Variants in COL23A1 observed in about 807,000 individuals in gnomAD.
COL23A1 encodes the protein collagen alpha-1(XXIII) chain.
COL23A1 carries 97 observed loss-of-function variants against 99.3 expected under a neutral mutation model. That is an observed-to-expected ratio of 0.98 (90% CI 0.83 to 1.16). COL23A1 has a LOEUF of 1.16. COL23A1 is among the 50% of genes most tolerant of loss of function. COL23A1 has a pLI of 0.00. For missense variants in COL23A1, 762 were observed against 757.4 expected, an observed-to-expected ratio of 1.01 and a Z score of -0.07; for synonymous variants, 320 against 308.2, an observed-to-expected ratio of 1.04 and a Z score of -0.40.
intron 2 of COL23A1, among the ~76,000 whole-genome samples, chr5:178,403,622 A>G (rs1034770907): frequency 2.0e-5 from 3 of 152,218 alleles, no homozygotes; most frequent in Admixed American, 2.0e-4. Flanking sequence ...TAAGAATGAA[A>G]TAAAGGCCAA....
chr5:178,393,817 G>A (rs930241935), intron 2 of COL23A1, among the ~76,000 whole-genome samples: 17 of 152,126 alleles, frequency 1.1e-4, no homozygotes, highest in African/African-American at 3.4e-4. Flanking sequence ...TGTACAGATG[G>A]GGTTTCACCA....
chr5:178,350,703 C>T (rs557125710), intron 2 of COL23A1, among the ~76,000 whole-genome samples: 12 of 152,294 alleles, frequency 7.9e-5, no homozygotes, highest in African/African-American at 2.4e-4. Flanking sequence ...CCAGGCTGCC[C>T]GAGACCCTGG....
chr5:178,363,804 C>T (rs906708294), intron 2 of COL23A1, among the ~76,000 whole-genome samples: 1 of 152,230 alleles, frequency 6.6e-6, no homozygotes, highest in East Asian at 1.9e-4. Flanking sequence ...TATCCATCAC[C>T]CTCTGTTCTT....
intron 2 of COL23A1, among the ~76,000 whole-genome samples, chr5:178,327,210 C>T (rs1053905455): frequency 4.6e-5 from 7 of 152,194 alleles, no homozygotes; most frequent in Admixed American, 1.3e-4. Flanking sequence ...TGGGATACTT[C>T]GGTGAGTGCA....
chr5:178,518,571 C>T lies in COL23A1; in HGVS notation c.361+42111G>A, dbSNP rs1427059274. On this transcript the variant is annotated intron_variant, in intron 2 of 28. Coordinates refer to ENST00000390654, the MANE Select transcript of COL23A1 (RefSeq NM_173465.4). ...GGCGGCCGGGCAGAGACGCTCCTCA[C>T]CTCCCAGATGGGGCGGCGGGGCAGA... Among the ~76,000 whole-genome samples the T allele has an allele frequency of 6.4e-4, 95 of 148,484 alleles. 1 individual carries two copies. The highest frequency in any genetic ancestry group is 2.3e-3 in the African/African-American group (95 of 40,984).
chr5:178,338,299 AAGTCCAGAGGGCAC>A lies in COL23A1; in HGVS notation c.362-31394_362-31381del, dbSNP rs544068902. ...TCAGTCTCAGGGCCTGATCTCCAGGAAGTCCAGAGGGCACAGTCCAGAGGGCACAGTGAGATAGC... is the reference window on the plus strand; with the variant it reads ...TCAGTCTCAGGGCCTGATCTCCAGGAAGTCCAGAGGGCACAGTGAGATAGC... On this transcript the variant is annotated intron_variant, in intron 2 of 28. Coordinates refer to ENST00000390654, the MANE Select transcript of COL23A1 (RefSeq NM_173465.4). 5.3e-3 allele frequency among the ~76,000 whole-genome samples: 807 copies of A among 152,300 alleles called. 10 individuals carry two copies. The highest frequency in any genetic ancestry group is 7.8e-3 in the Non-Finnish European group (532 of 68,020).
chr5:178,365,840 T>C lies in COL23A1; in HGVS notation c.362-58921A>G, dbSNP rs1256242914. Among the ~76,000 whole-genome samples, 1 of 152,092 alleles carries C rather than the reference T, an allele frequency of 6.6e-6. No homozygotes were observed. Among genetic ancestry groups the C allele is most frequent in the African/African-American group, 2.4e-5 (1 of 41,434 alleles). ...CTCAGCGCTGGGCACTGGCTTGTGA[T>C]GGTCTCCTGGCCACATGGGGAGCTC... On this transcript the variant is annotated intron_variant, in intron 2 of 28. Transcript: ENST00000390654. This position sits in a 1 kb window ranked among gnomAD's most constrained non-coding sequence, Gnocchi z 5.2.
At chr5:178,287,943 T>C (rs1057151608) in intron 5 of COL23A1, among the ~76,000 whole-genome samples, 1 of 152,222 alleles carries the variant, frequency 6.6e-6, no homozygotes, top group African/African-American at 2.4e-5. Flanking sequence ...TCTCCTGTTA[T>C]CGAGTGATGA....
At chr5:178,262,905 G>C (rs570986388) in intron 9 of COL23A1, among the ~76,000 whole-genome samples, 11 of 152,212 alleles carry the variant, frequency 7.2e-5, no homozygotes, top group African/African-American at 2.6e-4. Flanking sequence ...TTGGGAATGA[G>C]TTAGAGGTCA....
intron 2 of COL23A1, chr5:178,442,893 G>A (rs1053510033): frequency 2.0e-5 from 3 of 152,412 alleles, no homozygotes; most frequent in Admixed American, 6.5e-5. Flanking sequence ...AGGGGAGAAT[G>A]AGCCACCAAA....
At chr5:178,359,943 G>A (rs1277270107) in intron 2 of COL23A1, among the ~76,000 whole-genome samples, 1 of 152,224 alleles carries the variant, frequency 6.6e-6, no homozygotes, top group East Asian at 1.9e-4. Context: ...GGTCCGTGGA[G>A]CAGGGGTGGG....
At chr5:178,479,184 T>C (rs937445046) in intron 2 of COL23A1, among the ~76,000 whole-genome samples, 1 of 152,180 alleles carries the variant, frequency 6.6e-6, no homozygotes, top group East Asian at 1.9e-4. Context: ...GCGCTTTATG[T>C]GCAGGATTTC....
chr5:178,257,569 T>A lies in COL23A1; in HGVS notation c.730-2A>T. On this transcript the variant is annotated splice_acceptor_variant, in intron 12 of 28. Coordinates refer to ENST00000390654, the MANE Select transcript of COL23A1 (RefSeq NM_173465.4). LOFTEE classifies it high-confidence loss of function. ...CTGGCTTGGTGTCCCATCGTCGCCC[T>A]GAGGAGAGGACACCTGGGGCTTGCC... is the stretch of plus-strand genomic sequence containing the variant. 6.4e-7 allele frequency: 1 copy of A among 1,557,176 alleles called. No individual in the cohort carries two copies. The highest frequency in any genetic ancestry group is 8.7e-7 in the Non-Finnish European group (1 of 1,150,494).
At chr5:178,295,468 G>T (rs1757689694) in intron 3 of COL23A1, among the ~76,000 whole-genome samples, 1 of 152,058 alleles carries the variant, frequency 6.6e-6, no homozygotes, top group African/African-American at 2.4e-5. Context: ...TCAAAAAAAT[G>T]AAAAAAATCT....
At chr5:178,432,367 G>T (rs555497123) in intron 2 of COL23A1, among the ~76,000 whole-genome samples, 27 of 152,324 alleles carry the variant, frequency 1.8e-4, no homozygotes, top group Non-Finnish European at 2.8e-4. Context: ...CCACAGGTTT[G>T]CAACAGCAGA....
chr5:178,374,546 G>A (rs1318656914), intron 2 of COL23A1, among the ~76,000 whole-genome samples: 1 of 152,188 alleles, frequency 6.6e-6, no homozygotes, highest in South Asian at 2.1e-4. Context: ...TGACTTCTCT[G>A]TGCCTCAGTT....
chr5:178,250,077 C>T lies in COL23A1; in HGVS notation c.1043G>A (p.Gly348Glu). 2.5e-6 allele frequency: 4 copies of T among 1,614,180 alleles called. No homozygotes were observed. The highest frequency in any genetic ancestry group is 3.4e-6 in the Non-Finnish European group (4 of 1,180,030). The part of the protein sequence containing the change: ...KGELGLPGAP[G>E]IDGEKGPKGQ... ...CCCAGAGACCTTCTCTCCATCGATT[C>T]CTGGGGCACCGGGCAATCCAAGCTC... Residue 348 changes from glycine to glutamate, a missense_variant, in exon 18 of 29, where the codon GGA becomes GAA. By Grantham distance (98) the Gly-to-Glu change is moderately conservative (BLOSUM62 -2). Coordinates refer to ENST00000390654, the MANE Select transcript of COL23A1 (RefSeq NM_173465.4).
In COL23A1 at chr5:178,334,449, C is replaced by T. The variant is rs150023177; in HGVS notation, c.362-27530G>A. On this transcript the variant is annotated intron_variant, in intron 2 of 28. Transcript: ENST00000390654. ...ACCGGCCGGCACAGGCCACCCTCTT[C>T]GTGCCTCTGGTTCCTCAAATGAAAT... Among the ~76,000 whole-genome samples the T allele has an allele frequency of 8.5e-3, 1,289 of 152,370 alleles. 12 individuals carry two copies. Among genetic ancestry groups the T allele is most frequent in the African/African-American group, 0.026 (1,091 of 41,586 alleles).
chr5:178,528,626 C>T (rs1320125309), intron 2 of COL23A1, among the ~76,000 whole-genome samples: 2 of 152,240 alleles, frequency 1.3e-5, no homozygotes, highest in Non-Finnish European at 2.9e-5. Flanking sequence ...GCCTGACCAA[C>T]ATGGAGAAAC....
Sources: gnomAD v4.1 joint callset for allele counts (sites outside exome capture counted in the v4.1 genomes callset) on GRCh38, gnomAD v4.1.1 for gene constraint, Gnocchi (gnomAD v3.1) non-coding constraint, MANE v1.5 for transcripts, NCBI Gene and HGNC (gene_info 2026-07-23, HGNC 2026-07-21) for gene names.